Variants in GRID2 observed in about 807,000 individuals in gnomAD.
GRID2 encodes glutamate ionotropic receptor delta type subunit 2, also known as glutamate receptor ionotropic, delta-2.
GRID2 carries 33 observed loss-of-function variants against 114.8 expected under a neutral mutation model. That is an observed-to-expected ratio of 0.29 (90% CI 0.22 to 0.38). The LOEUF (loss-of-function observed/expected upper bound fraction) is 0.38, where lower values mean the gene tolerates loss of function less well. Ranked by LOEUF, GRID2 falls within the 10% of genes least tolerant of loss-of-function variation. GRID2 has a pLI of 1.00. For synonymous variants in GRID2, 505 were observed against 449.9 expected, an observed-to-expected ratio of 1.12 and a Z score of -1.55; for missense variants, 1,184 against 1,257.7, an observed-to-expected ratio of 0.94 and a Z score of 0.89.
intron 2 of GRID2, among the ~76,000 whole-genome samples, chr4:92,740,232 A>C (rs576737854): frequency 6.6e-6 from 1 of 152,322 alleles, no homozygotes; most frequent in South Asian, 2.1e-4. Flanking sequence ...ACTGTGTGTA[A>C]CTCAAGGAAA....
chr4:92,805,329 A>G (rs1302030739), intron 2 of GRID2, among the ~76,000 whole-genome samples: 1 of 151,854 alleles, frequency 6.6e-6, no homozygotes, highest in Non-Finnish European at 1.5e-5. Context: ...GGGATTTCTT[A>G]TTGTTCCCAA....
chr4:93,205,885 G>C (rs571724214), intron 4 of GRID2, among the ~76,000 whole-genome samples: 1 of 152,018 alleles, frequency 6.6e-6, no homozygotes, highest in Non-Finnish European at 1.5e-5. Context: ...TTGTGGTTTT[G>C]ATTTGCATTT....
At chr4:93,677,624 A>G (rs1725033058) in intron 14 of GRID2, among the ~76,000 whole-genome samples, 1 of 152,146 alleles carries the variant, frequency 6.6e-6, no homozygotes, top group African/African-American at 2.4e-5. Flanking sequence ...GCAGTTCATG[A>G]AAATCCGCGG....
intron 7 of GRID2, among the ~76,000 whole-genome samples, chr4:93,231,282 G>A (rs983587801): frequency 6.6e-6 from 1 of 150,642 alleles, no homozygotes; most frequent in Non-Finnish European, 1.5e-5. Flanking sequence ...TTTTCAACAG[G>A]GCACTTCATT....
intron 14 of GRID2, among the ~76,000 whole-genome samples, chr4:93,738,984 T>C (rs967277673): frequency 6.6e-6 from 1 of 152,014 alleles, no homozygotes; most frequent in African/African-American, 2.4e-5. Flanking sequence ...AAGCACTTAA[T>C]TGATTCTTCA....
At chr4:92,863,000 G>A (rs1027840320) in intron 2 of GRID2, among the ~76,000 whole-genome samples, 2 of 152,006 alleles carry the variant, frequency 1.3e-5, no homozygotes, top group East Asian at 1.9e-4. Context: ...CTCTTCTCTC[G>A]GCACTTACCC....
chr4:93,727,640 A>T (rs1272823420), intron 14 of GRID2, among the ~76,000 whole-genome samples: 1 of 152,144 alleles, frequency 6.6e-6, no homozygotes, highest in African/African-American at 2.4e-5. Context: ...TTGGAAAGCT[A>T]TTGATTATTG....
intron 4 of GRID2, among the ~76,000 whole-genome samples, chr4:93,128,929 G>A (rs1734545291): frequency 6.6e-6 from 1 of 152,120 alleles, no homozygotes; most frequent in African/African-American, 2.4e-5. Context: ...CAAACCTCAT[G>A]GTATTACTAA....
chr4:92,822,796 A>G (rs74412739), intron 2 of GRID2: 3,729 of 157,888 alleles, frequency 0.024, 89 homozygotes, highest in Admixed American at 0.052. Context: ...TCCCTGTTCA[A>G]TGTCCACATG....
intron 4 of GRID2, among the ~76,000 whole-genome samples, chr4:93,168,484 C>G (rs982890745): frequency 1.3e-5 from 2 of 151,888 alleles, no homozygotes; most frequent in Admixed American, 1.3e-4. Flanking sequence ...AAAGAATGAA[C>G]AAATAGATAA....
intron 1 of GRID2, among the ~76,000 whole-genome samples, chr4:92,440,044 C>A (rs1470504018): frequency 2.1e-5 from 3 of 146,052 alleles, no homozygotes; most frequent in African/African-American, 7.3e-5. Flanking sequence ...AAAGGAGCAT[C>A]TGTACAGGAG....
intron 8 of GRID2, among the ~76,000 whole-genome samples, chr4:93,253,682 C>T (rs571738222): frequency 1.2e-3 from 188 of 152,086 alleles, no homozygotes; most frequent in Middle Eastern, 0.01. Context: ...CTGTAGTTTC[C>T]GTAAGAGCAT....
chr4:92,665,583 GT>G (rs1329648383), intron 2 of GRID2, among the ~76,000 whole-genome samples: 2 of 150,988 alleles, frequency 1.3e-5, no homozygotes, highest in Non-Finnish European at 3.0e-5. Flanking sequence ...CTGCAAGAGT[GT>G]TTTTTAGCAT....
At chr4:92,757,061 T>G (rs910624784) in intron 2 of GRID2, among the ~76,000 whole-genome samples, 2 of 152,146 alleles carry the variant, frequency 1.3e-5, no homozygotes, top group African/African-American at 4.8e-5. Context: ...TTATGCTTTC[T>G]TCTAGTAGTT....
At chr4:93,398,372 A>AT (rs1765560424) in intron 9 of GRID2, among the ~76,000 whole-genome samples, 1 of 151,348 alleles carries the variant, frequency 6.6e-6, no homozygotes, top group Admixed American at 6.6e-5. Context: ...TAGGATTCAA[A>AT]TTCAGGAAGA....
chr4:92,843,701 G>C (rs1230735670), intron 2 of GRID2, among the ~76,000 whole-genome samples: 1 of 152,048 alleles, frequency 6.6e-6, no homozygotes, highest in Non-Finnish European at 1.5e-5. Flanking sequence ...GGAAAATTTA[G>C]TGTCACAAAG....
At chr4:93,578,895 C>T (rs985966305) in intron 13 of GRID2, among the ~76,000 whole-genome samples, 1 of 152,076 alleles carries the variant, frequency 6.6e-6, no homozygotes, top group African/African-American at 2.4e-5. Context: ...ACCCGGCTGC[C>T]TTGCTTTCAT....
chr4:92,670,819 G>A (rs1733022968), intron 2 of GRID2, among the ~76,000 whole-genome samples: 1 of 152,050 alleles, frequency 6.6e-6, no homozygotes, highest in Non-Finnish European at 1.5e-5. Flanking sequence ...GAGAGGATAA[G>A]TAGTTGGTCC....
chr4:93,409,534 G>T (rs1198247257), intron 9 of GRID2, among the ~76,000 whole-genome samples: 1 of 152,122 alleles, frequency 6.6e-6, no homozygotes, highest in Non-Finnish European at 1.5e-5. Flanking sequence ...AGTATAAGTA[G>T]ATTTATTCTA....
Sources: gnomAD v4.1 joint callset for allele counts (sites outside exome capture counted in the v4.1 genomes callset) on GRCh38, gnomAD v4.1.1 for gene constraint, MANE v1.5 for transcripts, NCBI Gene and HGNC (gene_info 2026-07-23, HGNC 2026-07-21) for gene names.